The following LOC128462377 variants were observed in gnomAD, a reference collection of about 807,000 sequenced individuals.
At chr16:89,387,081 C>T in the LOC128462377 span, among the ~76,000 whole-genome samples, 1 of 152,196 alleles carries the variant, frequency 6.6e-6, no homozygotes, top group South Asian at 2.1e-4. Flanking sequence ...ACAGAAGGCC[C>T]CAGTGACATG....
the LOC128462377 span, among the ~76,000 whole-genome samples, chr16:89,331,461 AAGACAT>A: frequency 1.3e-5 from 2 of 152,178 alleles, no homozygotes; most frequent in Non-Finnish European, 2.9e-5. Flanking sequence ...AAAGACTTAA[AAGACAT>A]CAAAGAATCT....
At chr16:89,348,214 G>T in the LOC128462377 span, among the ~76,000 whole-genome samples, 2 of 152,098 alleles carry the variant, frequency 1.3e-5, no homozygotes, top group African/African-American at 4.8e-5. Context: ...TTACAGGCAT[G>T]AGCCACCATA....
At chr16:89,381,354 A>AAAAAAAAGG in the LOC128462377 span, among the ~76,000 whole-genome samples, 5 of 125,346 alleles carry the variant, frequency 4.0e-5, no homozygotes, top group African/African-American at 1.6e-4. Context: ...AAAAAAAAAA[A>AAAAAAAAGG]GGGGTGAGAA....
the LOC128462377 span, among the ~76,000 whole-genome samples, chr16:89,355,917 AC>A: frequency 6.6e-6 from 1 of 152,126 alleles, no homozygotes; most frequent in Non-Finnish European, 1.5e-5. Context: ...AGCTCGGGAG[AC>A]CAGGGCTCAG....
At chr16:89,357,842 C>T in the LOC128462377 span, among the ~76,000 whole-genome samples, 1 of 152,196 alleles carries the variant, frequency 6.6e-6, no homozygotes, top group Non-Finnish European at 1.5e-5. Flanking sequence ...GCTGAAGGTA[C>T]TGGAAGCCAG....
chr16:89,380,098 T>C, the LOC128462377 span, among the ~76,000 whole-genome samples: 8 of 152,304 alleles, frequency 5.3e-5, no homozygotes, highest in Admixed American at 2.0e-4. Flanking sequence ...GGTACCCCAG[T>C]TGCAAAACAA....
At chr16:89,407,713 T>G in the LOC128462377 span, among the ~76,000 whole-genome samples, 1 of 151,882 alleles carries the variant, frequency 6.6e-6, no homozygotes, top group Admixed American at 6.6e-5. Context: ...AGCCAGGCAT[T>G]GTGGTGTGCC....
At chr16:89,406,839 T>C in the LOC128462377 span, among the ~76,000 whole-genome samples, 1 of 151,866 alleles carries the variant, frequency 6.6e-6, no homozygotes, top group East Asian at 1.9e-4. Flanking sequence ...AGCTGTGGAA[T>C]ATGGAAGGGG....
chr16:89,341,152 A>C, the LOC128462377 span, among the ~76,000 whole-genome samples: 28 of 152,230 alleles, frequency 1.8e-4, no homozygotes, highest in Admixed American at 1.8e-3. Flanking sequence ...CACTGCGAAA[A>C]GCCTGAAACC....
the LOC128462377 span, among the ~76,000 whole-genome samples, chr16:89,399,709 G>A: frequency 3.6e-4 from 55 of 152,284 alleles, no homozygotes; most frequent in African/African-American, 1.2e-3. Context: ...ACAAATGGCC[G>A]CTCTTGTGGG....
At chr16:89,319,609 G>A in the LOC128462377 span, among the ~76,000 whole-genome samples, 2 of 152,186 alleles carry the variant, frequency 1.3e-5, no homozygotes, top group Admixed American at 6.5e-5. Context: ...TCGAGGCCCT[G>A]CAACCCCAGC....
chr16:89,415,829 C>CAAAA, the LOC128462377 span, among the ~76,000 whole-genome samples: 1,053 of 39,690 alleles, frequency 0.027, 97 homozygotes, highest in African/African-American at 0.084. Context: ...GACTCTGTCT[C>CAAAA]AAAAAAAAAA....
chr16:89,411,570 C>G, the LOC128462377 span, among the ~76,000 whole-genome samples: 1 of 152,122 alleles, frequency 6.6e-6, no homozygotes, highest in African/African-American at 2.4e-5. Flanking sequence ...CACACAACCA[C>G]GCCTGGCTAA....
the LOC128462377 span, among the ~76,000 whole-genome samples, chr16:89,359,555 T>C: frequency 1.3e-5 from 2 of 152,332 alleles, no homozygotes; most frequent in South Asian, 4.1e-4. Flanking sequence ...TCTTGATTCT[T>C]CAGGCTAATC....
chr16:89,381,353 A>G, the LOC128462377 span, among the ~76,000 whole-genome samples: 7,170 of 55,796 alleles, frequency 0.13, 355 homozygotes, highest in Middle Eastern at 0.18. Flanking sequence ...AAAAAAAAAA[A>G]AGGGGTGAGA....
chr16:89,372,312 C>T, the LOC128462377 span, among the ~76,000 whole-genome samples: 3 of 152,202 alleles, frequency 2.0e-5, no homozygotes, highest in East Asian at 1.9e-4. Flanking sequence ...GCGGCGGCAG[C>T]GCCCAGCGAC....
the LOC128462377 span, among the ~76,000 whole-genome samples, chr16:89,366,849 G>C: frequency 6.6e-6 from 1 of 152,182 alleles, no homozygotes; most frequent in Admixed American, 6.5e-5. Flanking sequence ...CACACTTTGG[G>C]CTTTGCAAGC....
the LOC128462377 span, among the ~76,000 whole-genome samples, chr16:89,399,010 C>G: frequency 6.6e-6 from 1 of 152,196 alleles, no homozygotes. Flanking sequence ...AAATTGTTAA[C>G]AAGCTCCATG....
chr16:89,409,527 G>A, the LOC128462377 span, among the ~76,000 whole-genome samples: 1 of 152,162 alleles, frequency 6.6e-6, no homozygotes. Context: ...CACAAGAGCA[G>A]GAAAGGCTGG....
Sources: gnomAD v4.1 joint callset for allele counts (sites outside exome capture counted in the v4.1 genomes callset) on GRCh38, gnomAD v4.1.1 for gene constraint, MANE v1.5 for transcripts.